CPNE8: variants seen among roughly 807,000 people sequenced by gnomAD.
The protein encoded by CPNE8 is copine-8.
A neutral mutation model predicts 81.5 loss-of-function variants in CPNE8; 45 were observed. The observed-to-expected ratio is 0.55, with a 90% CI of 0.44 to 0.71. CPNE8 has a LOEUF of 0.71. Ranked by LOEUF, CPNE8 falls within the 30% of genes least tolerant of loss-of-function variation. The probability of loss-of-function intolerance (pLI) is 0.00; values close to 1 mark genes in which losing one functional copy is unlikely to be tolerated. For synonymous variants in CPNE8, 252 were observed against 226.3 expected (o/e 1.11, Z -1.02); for missense variants, 594 against 672.1 (o/e 0.88, Z 1.28).
chr12:38,843,814 T>G (rs1943511129), intron 4 of CPNE8, among the ~76,000 whole-genome samples: 1 of 151,984 alleles, frequency 6.6e-6, no homozygotes, highest in African/African-American at 2.4e-5. Context: ...CCGCCTACCT[T>G]TTTGCATTCC....
At chr12:38,678,795 C>T (rs577680658) in intron 16 of CPNE8, among the ~76,000 whole-genome samples, 2 of 151,950 alleles carry the variant, frequency 1.3e-5, no homozygotes, top group African/African-American at 4.8e-5. Context: ...GTGGCATGCT[C>T]AATCACACCC....
At chr12:38,697,818 CTCTT>C (rs971876167) in intron 14 of CPNE8, among the ~76,000 whole-genome samples, 10 of 152,298 alleles carry the variant, frequency 6.6e-5, no homozygotes, top group African/African-American at 2.4e-4. Context: ...CTCTCTCTCT[CTCTT>C]GCTCCCAACA....
At chr12:38,706,011 G>A (rs978573807) in intron 13 of CPNE8, among the ~76,000 whole-genome samples, 2 of 151,920 alleles carry the variant, frequency 1.3e-5, no homozygotes, top group Non-Finnish European at 2.9e-5. Context: ...TAATTTTAAA[G>A]AGAAGATACT....
intron 6 of CPNE8, among the ~76,000 whole-genome samples, chr12:38,824,652 T>C (rs1411882587): frequency 6.6e-6 from 1 of 152,008 alleles, no homozygotes; most frequent in Non-Finnish European, 1.5e-5. Context: ...ATCTCTAATC[T>C]AAAATTAATA....
chr12:38,832,202 A>T (rs764902649), intron 5 of CPNE8, among the ~76,000 whole-genome samples: 1 of 152,326 alleles, frequency 6.6e-6, no homozygotes, highest in Non-Finnish European at 1.5e-5. Flanking sequence ...CCCCTGAATT[A>T]AAAACACCTG....
chr12:38,656,083 C>T (rs1269189042), intron 19 of CPNE8, among the ~76,000 whole-genome samples: 1 of 138,276 alleles, frequency 7.2e-6, no homozygotes, highest in Non-Finnish European at 1.6e-5. Context: ...ACATTTTTAA[C>T]AGAAAAAAAT....
intron 7 of CPNE8, among the ~76,000 whole-genome samples, chr12:38,769,762 T>C (rs1941763899): frequency 1.3e-5 from 2 of 152,188 alleles, no homozygotes; most frequent in South Asian, 4.1e-4. Flanking sequence ...GGTGTATTAT[T>C]ATAAAAGCAT....
chr12:38,839,884 A>C (rs1382322737), intron 5 of CPNE8, 32 bp downstream of exon 5: 8 of 1,521,292 alleles, frequency 5.3e-6, no homozygotes, highest in Non-Finnish European at 7.2e-6. Context: ...ATTGTATTAT[A>C]ATGTTATAAA....
At position 38,765,116 on chromosome 12, in the gene CPNE8, T is replaced by C. The variant is rs576022438; in HGVS notation, c.575+2519A>G. 3.3e-5 allele frequency among the ~76,000 whole-genome samples: 5 copies of C among 152,362 alleles called. 1 individual carries two copies. The highest frequency in any genetic ancestry group is 9.6e-5 in the African/African-American group (4 of 41,588). ...TATTTATGAGGCAGGCAGTCATTTATTGCCTATTAATCATTCTCATTTCTA... is the reference window on the plus strand; with the variant it reads ...TATTTATGAGGCAGGCAGTCATTTACTGCCTATTAATCATTCTCATTTCTA... On this transcript the variant is annotated intron_variant, in intron 8 of 19. Coordinates refer to ENST00000331366, the MANE Select transcript of CPNE8 (RefSeq NM_153634.3).
At chr12:38,797,495 G>C (rs923567230) in intron 6 of CPNE8, among the ~76,000 whole-genome samples, 1 of 152,120 alleles carries the variant, frequency 6.6e-6, no homozygotes, top group African/African-American at 2.4e-5. Flanking sequence ...GGTCCTGTCT[G>C]TTAGAAGGAA....
At chr12:38,844,016 G>A (rs1322250862) in intron 4 of CPNE8, among the ~76,000 whole-genome samples, 1 of 152,164 alleles carries the variant, frequency 6.6e-6, no homozygotes, top group East Asian at 1.9e-4. Context: ...TGTTAAGGGA[G>A]CCCTTAACCA....
At chr12:38,895,268 T>C (rs1363296787) in intron 1 of CPNE8, among the ~76,000 whole-genome samples, 1 of 152,036 alleles carries the variant, frequency 6.6e-6, no homozygotes, top group Non-Finnish European at 1.5e-5. Context: ...AACTCTGGAA[T>C]TAAGTATTAC....
chr12:38,659,767 G>C (rs1383982389), intron 19 of CPNE8, among the ~76,000 whole-genome samples: 1 of 151,996 alleles, frequency 6.6e-6, no homozygotes, highest in East Asian at 1.9e-4. Context: ...ACAACTATAC[G>C]GAAACTGAAC....
At chr12:38,747,097 T>C (rs977709970) in intron 10 of CPNE8, among the ~76,000 whole-genome samples, 1 of 152,184 alleles carries the variant, frequency 6.6e-6, no homozygotes, top group Non-Finnish European at 1.5e-5. Flanking sequence ...GCAACCAGAC[T>C]TTCTCAATTT....
At chr12:38,716,043 C>T (rs1027280391) in intron 13 of CPNE8, among the ~76,000 whole-genome samples, 1 of 151,704 alleles carries the variant, frequency 6.6e-6, no homozygotes, top group African/African-American at 2.4e-5. Context: ...CCTTTTACAA[C>T]AGCTGCAAAA....
At chr12:38,812,446 C>T (rs1427587634) in intron 6 of CPNE8, among the ~76,000 whole-genome samples, 1 of 152,138 alleles carries the variant, frequency 6.6e-6, no homozygotes, top group Non-Finnish European at 1.5e-5. Flanking sequence ...CTTCACATGG[C>T]ATCAGGAAGG....
intron 6 of CPNE8, among the ~76,000 whole-genome samples, chr12:38,779,820 A>C (rs1292407485): frequency 1.3e-5 from 2 of 152,166 alleles, no homozygotes; most frequent in East Asian, 3.8e-4. Context: ...CAGATTTAGA[A>C]TGTTGTAAAT....
At chr12:38,774,831 G>A (rs541245548) in intron 7 of CPNE8, among the ~76,000 whole-genome samples, 1 of 152,140 alleles carries the variant, frequency 6.6e-6, no homozygotes, top group Non-Finnish European at 1.5e-5. Flanking sequence ...ATATGACCGT[G>A]ACATGCCCAG....
intron 3 of CPNE8, among the ~76,000 whole-genome samples, chr12:38,864,236 T>C (rs1240078303): frequency 1.3e-5 from 2 of 152,144 alleles, no homozygotes; most frequent in South Asian, 2.1e-4. Context: ...TCAAGAACTA[T>C]AGCCCATAGG....
Sources: allele counts gnomAD v4.1 joint callset (sites outside exome capture counted in the v4.1 genomes callset), GRCh38; gene constraint gnomAD v4.1.1; transcripts MANE v1.5; gene names NCBI Gene and HGNC (gene_info 2026-07-23, HGNC 2026-07-21).